The following FOXP2 variants were observed in gnomAD, a reference collection of about 807,000 sequenced individuals.
FOXP2 encodes forkhead box P2, also known as forkhead box protein P2.
A neutral mutation model predicts 115.8 loss-of-function variants in FOXP2; 12 were observed. The ratio of observed to expected loss-of-function variants is 0.10; its 90% CI spans 0.07 to 0.17. FOXP2 has a LOEUF of 0.17. FOXP2 is among the 10% of genes least tolerant of loss of function. The pLI is 1.00. For missense variants in FOXP2, 629 were observed against 843.5 expected, an observed-to-expected ratio of 0.75 and a Z score of 3.15; for synonymous variants, 328 against 297.7, an observed-to-expected ratio of 1.10 and a Z score of -1.05.
intron 1 of FOXP2, among the ~76,000 whole-genome samples, chr7:114,103,362 A>G (rs570147770): frequency 6.6e-6 from 1 of 152,076 alleles, no homozygotes; most frequent in Non-Finnish European, 1.5e-5. Flanking sequence ...GTCTTTGGGT[A>G]AAAAGGATCT....
intron 1 of FOXP2, among the ~76,000 whole-genome samples, chr7:114,137,459 T>C (rs1275674458): frequency 6.6e-6 from 1 of 152,162 alleles, no homozygotes; most frequent in Non-Finnish European, 1.5e-5. Context: ...AGACATACTT[T>C]CAATAAACTT....
intron 1 of FOXP2, among the ~76,000 whole-genome samples, chr7:114,117,313 C>T (rs1277266841): frequency 6.6e-6 from 1 of 151,558 alleles, no homozygotes; most frequent in Non-Finnish European, 1.5e-5. Context: ...TCTCTGCTTC[C>T]TGGGTTCAAG....
chr7:114,331,617 A>G (rs1385714115), intron 2 of FOXP2, among the ~76,000 whole-genome samples: 2 of 151,540 alleles, frequency 1.3e-5, no homozygotes, highest in South Asian at 2.1e-4. Flanking sequence ...TTACTTTCAT[A>G]TCTTAACTAG....
intron 1 of FOXP2, among the ~76,000 whole-genome samples, chr7:114,279,118 A>T (rs1480197084): frequency 1.3e-5 from 2 of 152,186 alleles, no homozygotes; most frequent in East Asian, 1.9e-4. Context: ...ATAAATTTAA[A>T]TTGCTTTAAT....
At chr7:114,461,335 T>C (rs7778587) in intron 2 of FOXP2, among the ~76,000 whole-genome samples, 1 of 152,190 alleles carries the variant, frequency 6.6e-6, no homozygotes, top group African/African-American at 2.4e-5. Flanking sequence ...TTGTTCTGTC[T>C]GATTTTGTGA....
chr7:114,474,736 A>G (rs1398926157), intron 2 of FOXP2, among the ~76,000 whole-genome samples: 7 of 152,150 alleles, frequency 4.6e-5, no homozygotes, highest in Non-Finnish European at 1.0e-4. Flanking sequence ...TTTCCAATCC[A>G]TGCAGTAATT....
intron 8 of FOXP2, among the ~76,000 whole-genome samples, chr7:114,649,334 G>A (rs1327159961): frequency 6.6e-6 from 1 of 152,004 alleles, no homozygotes; most frequent in East Asian, 1.9e-4. Flanking sequence ...CATATGAAAA[G>A]GGTATTTGCA....
intron 1 of FOXP2, among the ~76,000 whole-genome samples, chr7:114,423,995 T>C (rs542092409): frequency 1.8e-4 from 27 of 151,668 alleles, no homozygotes; most frequent in African/African-American, 5.8e-4. Context: ...TCTTAAGCAT[T>C]ATTTTACTAA....
At chr7:114,612,261 G>A (rs1803670864) in intron 3 of FOXP2, among the ~76,000 whole-genome samples, 1 of 151,954 alleles carries the variant, frequency 6.6e-6, no homozygotes, top group African/African-American at 2.4e-5. Flanking sequence ...ACGCCCAGCT[G>A]CCTTGATGGA....
chr7:114,455,449 T>C (rs1481913487), intron 2 of FOXP2, among the ~76,000 whole-genome samples: 1 of 152,198 alleles, frequency 6.6e-6, no homozygotes, highest in African/African-American at 2.4e-5. Context: ...TCAGGCACTG[T>C]TGGTGAAGTG....
At position 114,231,915 on chromosome 7, in the gene FOXP2, T is replaced by C. The variant is rs556903789; in HGVS notation, c.-101-56104T>C. On this transcript the variant is annotated intron_variant, in intron 1 of 17. Coordinates refer to the FOXP2 transcript ENST00000634411. Reference sequence around the variant, plus strand: ...TTCAGTGCAGCAAAAGAAACAAGAGTGCAAAGGCAGCCTACAGAGTGGTAG... The same window carrying C: ...TTCAGTGCAGCAAAAGAAACAAGAGCGCAAAGGCAGCCTACAGAGTGGTAG... 4.5e-4 allele frequency among the ~76,000 whole-genome samples: 69 copies of C among 152,006 alleles called. 1 individual carries two copies. Among genetic ancestry groups the C allele is most frequent in the Non-Finnish European group, 8.5e-4 (58 of 67,964 alleles).
chr7:114,204,615 A>T lies in FOXP2; in HGVS notation c.-102+41527A>T, dbSNP rs148288758. On this transcript the variant is annotated intron_variant, in intron 1 of 17. Transcript: ENST00000634411. ...TGTTGTAAAACAAAACAAAACAAAAAAATAGAAATAGTGTAAGATTCCATT... is the reference window on the plus strand; with the variant it reads ...TGTTGTAAAACAAAACAAAACAAAATAATAGAAATAGTGTAAGATTCCATT... 3.1e-3 allele frequency among the ~76,000 whole-genome samples: 470 copies of T among 152,354 alleles called. 4 individuals carry two copies. The highest frequency in any genetic ancestry group is 0.011 in the African/African-American group (449 of 41,584).
intron 1 of FOXP2, among the ~76,000 whole-genome samples, chr7:114,174,607 T>A (rs980504588): frequency 3.3e-5 from 5 of 152,044 alleles, no homozygotes; most frequent in Non-Finnish European, 7.4e-5. Flanking sequence ...ATTAGTCAAC[T>A]TGAGATGTAT....
intron 1 of FOXP2, among the ~76,000 whole-genome samples, chr7:114,225,316 C>T (rs1482692279): frequency 3.9e-5 from 6 of 151,952 alleles, no homozygotes; most frequent in Admixed American, 3.9e-4. Flanking sequence ...TCCCCCCCTC[C>T]CCCTTTCTTT....
At chr7:114,334,208 T>C (rs114734255) in intron 2 of FOXP2, among the ~76,000 whole-genome samples, 1,919 of 152,216 alleles carry the variant, frequency 0.013, 30 homozygotes, top group African/African-American at 0.034. Flanking sequence ...CTGTGTATCA[T>C]TGAAAGTAAT....
intron 3 of FOXP2, among the ~76,000 whole-genome samples, chr7:114,597,449 C>G (rs937398116): frequency 2.6e-5 from 4 of 152,104 alleles, no homozygotes; most frequent in Non-Finnish European, 5.9e-5. Context: ...TCTGAAACCT[C>G]TACTTCTTTG....
chr7:114,125,976 C>T (rs1190226014), intron 1 of FOXP2, among the ~76,000 whole-genome samples: 1 of 152,060 alleles, frequency 6.6e-6, no homozygotes, highest in East Asian at 1.9e-4. Flanking sequence ...AGTTGCATTT[C>T]ATATGGATTC....
At chr7:114,472,807 G>A (rs1404266371) in intron 2 of FOXP2, among the ~76,000 whole-genome samples, 2 of 152,048 alleles carry the variant, frequency 1.3e-5, no homozygotes, top group African/African-American at 4.8e-5. Flanking sequence ...ATTAAAAATG[G>A]TTCTGAGTTA....
At chr7:114,596,494 G>A (rs1245682614) in intron 3 of FOXP2, among the ~76,000 whole-genome samples, 2 of 152,058 alleles carry the variant, frequency 1.3e-5, no homozygotes, top group East Asian at 3.9e-4. Context: ...ACACTAATCA[G>A]CCATTTAACA....
Sources: gnomAD v4.1 joint callset for allele counts (sites outside exome capture counted in the v4.1 genomes callset) on GRCh38, gnomAD v4.1.1 for gene constraint, MANE v1.5 for transcripts, NCBI Gene and HGNC (gene_info 2026-07-23, HGNC 2026-07-21) for gene names.